Variants in STK31 observed in about 807,000 individuals in gnomAD.
STK31 encodes the protein serine/threonine-protein kinase 31.
Under a neutral mutation model 129.7 loss-of-function variants are expected in STK31, and 89 were observed. The ratio of observed to expected loss-of-function variants is 0.69; its 90% confidence interval spans 0.58 to 0.82. The LOEUF (loss-of-function observed/expected upper bound fraction) is 0.82. Ranked by LOEUF, STK31 falls within the 40% of genes least tolerant of loss-of-function variation. STK31 has a pLI of 0.00. For missense variants in STK31, 1,187 were observed against 1,176.4 expected, an observed-to-expected ratio of 1.01 and a Z score of -0.13; for synonymous variants, 448 against 395.3, an observed-to-expected ratio of 1.13 and a Z score of -1.58.
chr7:23,729,620 T>C (rs1012124595), intron 6 of STK31, among the ~76,000 whole-genome samples: 1 of 151,748 alleles, frequency 6.6e-6, no homozygotes, highest in African/African-American at 2.4e-5. Context: ...AAGCAATTCT[T>C]CTGCCTCAGC....
intron 15 of STK31, among the ~76,000 whole-genome samples, chr7:23,775,671 A>G (rs956179550): frequency 2.6e-5 from 4 of 152,150 alleles, no homozygotes; most frequent in Admixed American, 6.5e-5. Context: ...ATTTTTGCAC[A>G]TTGATTTTGT....
At chr7:23,733,742 G>A (rs1787562657) in intron 6 of STK31, among the ~76,000 whole-genome samples, 1 of 151,954 alleles carries the variant, frequency 6.6e-6, no homozygotes, top group African/African-American at 2.4e-5. Flanking sequence ...CTGGGAGATG[G>A]AGCTTGCAGT....
intron 11 of STK31, 34 bp from the exon 12 acceptor site, chr7:23,768,961 A>G (rs751178640): frequency 1.3e-6 from 2 of 1,493,662 alleles, no homozygotes; most frequent in Non-Finnish European, 1.8e-6. Context: ...ATTAGTTAAT[A>G]AACTTTAATA....
At chr7:23,814,937 C>G (rs1480306997) in intron 22 of STK31, among the ~76,000 whole-genome samples, 1 of 151,980 alleles carries the variant, frequency 6.6e-6, no homozygotes, top group African/African-American at 2.4e-5. Flanking sequence ...TGTGTACATC[C>G]CCTCTGATCG....
At chr7:23,809,053 G>A (rs542385833) in intron 22 of STK31, among the ~76,000 whole-genome samples, 2 of 151,490 alleles carry the variant, frequency 1.3e-5, no homozygotes, top group African/African-American at 4.9e-5. Context: ...AAAGCCCAGG[G>A]AACTCACCAT....
In STK31 at chr7:23,710,230, TCA is replaced by T; in HGVS notation, c.-54_-53del. ...AGTGTGGGGCCCTTGCGGTCGAAGC[TCA>T]CGCGGTAAGCCGCTGCACGTGTGCT... On this transcript the variant is annotated 5_prime_UTR_variant, in exon 1 of 24. Coordinates refer to ENST00000355870, the MANE Select transcript of STK31 (RefSeq NM_031414.5). The T allele has an allele frequency of 6.2e-7, 1 of 1,611,494 alleles. No homozygotes were observed. The highest frequency in any genetic ancestry group is 1.1e-5 in the South Asian group (1 of 90,610).
intron 22 of STK31, chr7:23,811,741 G>A (rs1265869890): frequency 6.5e-6 from 1 of 152,954 alleles, no homozygotes; most frequent in African/African-American, 2.4e-5. Context: ...ATCCAGAAAA[G>A]TATATTGTGT....
At chr7:23,739,855 C>T (rs551143008) in intron 8 of STK31, among the ~76,000 whole-genome samples, 59 of 152,274 alleles carry the variant, frequency 3.9e-4, no homozygotes, top group Admixed American at 7.9e-4. Flanking sequence ...GTACCAGTAG[C>T]ATGCTGTTTT....
intron 22 of STK31, among the ~76,000 whole-genome samples, chr7:23,810,775 A>G (rs1463542380): frequency 1.0e-4 from 11 of 107,692 alleles, no homozygotes; most frequent in African/African-American, 3.3e-4. Flanking sequence ...ATATAAATAT[A>G]TATTATATAT....
chr7:23,785,574 G>A lies in STK31; in HGVS notation c.2245G>A (p.Glu749Lys). ...LSSKRPLVRS[E>K]VNGQIILLKG... ...CAGCAAGCGTCCTTTGGTACGTTCT[G>A]AGGTTAATGGGCAGATAATTCTGTT... Residue 749 changes from glutamate (E) to lysine (K), a missense_variant, in exon 18 of 24, where the codon GAG (glutamate) becomes AAG (lysine). This residue lies in a region of STK31 where 975 missense variants were observed against 934.9 expected (regional missense o/e 1.04). Coordinates refer to ENST00000355870, the MANE Select transcript of STK31 (RefSeq NM_031414.5). The A allele has an allele frequency of 6.2e-7, 1 of 1,613,798 alleles. No homozygotes were observed. The highest frequency in any genetic ancestry group is 1.1e-5 in the South Asian group (1 of 91,066).
intron 8 of STK31, 105 bp downstream of exon 8, chr7:23,737,183 C>T (rs1787770358): frequency 5.9e-6 from 6 of 1,019,342 alleles, no homozygotes; most frequent in Non-Finnish European, 1.3e-6. Flanking sequence ...CCACCTCATT[C>T]TCTCCTTTGC....
intron 11 of STK31, among the ~76,000 whole-genome samples, chr7:23,764,573 T>G (rs1229932992): frequency 6.6e-6 from 1 of 152,216 alleles, no homozygotes; most frequent in Admixed American, 6.5e-5. Flanking sequence ...GTGACTGGTC[T>G]TCTTAAGTTC....
At chr7:23,810,813 T>C (rs1793074482) in intron 22 of STK31, among the ~76,000 whole-genome samples, 1 of 140,640 alleles carries the variant, frequency 7.1e-6, no homozygotes, top group Non-Finnish European at 1.5e-5. Flanking sequence ...TATATATTTG[T>C]ATATAAATAT....
At chr7:23,748,427 T>G (rs1361495013) in intron 8 of STK31, among the ~76,000 whole-genome samples, 2 of 152,218 alleles carry the variant, frequency 1.3e-5, no homozygotes, top group Non-Finnish European at 2.9e-5. Flanking sequence ...CTGCTGTTAT[T>G]GGATGAAGCA....
chr7:23,822,709 C>T (rs575265386), intron 23 of STK31, among the ~76,000 whole-genome samples: 1 of 152,214 alleles, frequency 6.6e-6, no homozygotes, highest in South Asian at 2.1e-4. Flanking sequence ...CCCATTAACT[C>T]GTCATTTAGC....
intron 8 of STK31, 107 bp downstream of exon 8, chr7:23,737,185 C>A: frequency 9.8e-7 from 1 of 1,019,514 alleles, no homozygotes; most frequent in South Asian, 3.0e-5. Context: ...ACCTCATTCT[C>A]TCCTTTGCTA....
intron 23 of STK31, among the ~76,000 whole-genome samples, chr7:23,827,348 C>T (rs1291050242): frequency 6.6e-6 from 1 of 152,050 alleles, no homozygotes; most frequent in Non-Finnish European, 1.5e-5. Flanking sequence ...TCATTCATTT[C>T]ATCTTCCGTC....
chr7:23,822,728 T>C (rs1793862365), intron 23 of STK31, among the ~76,000 whole-genome samples: 1 of 152,184 alleles, frequency 6.6e-6, no homozygotes, highest in African/African-American at 2.4e-5. Flanking sequence ...GCATTAGGTG[T>C]ATCTCCTAAT....
chr7:23,758,226 C>T (rs1053222123), intron 10 of STK31, among the ~76,000 whole-genome samples: 3 of 152,112 alleles, frequency 2.0e-5, no homozygotes, highest in Non-Finnish European at 2.9e-5. Context: ...AGAGTTTATT[C>T]ATTTCTTCTA....
Sources: allele counts gnomAD v4.1 joint callset (sites outside exome capture counted in the v4.1 genomes callset), GRCh38; gene constraint gnomAD v4.1.1; regional missense constraint gnomAD v4.1.1; transcripts MANE v1.5; gene names NCBI Gene and HGNC (gene_info 2026-07-23, HGNC 2026-07-21).